The following KIAA1328 variants were observed in gnomAD, a reference collection of about 807,000 sequenced individuals.
The protein encoded by KIAA1328 is KIAA1328.
Under a neutral mutation model 68.1 loss-of-function variants are expected in KIAA1328, and 52 were observed. The ratio of observed to expected loss-of-function variants is 0.76; its 90% confidence interval spans 0.61 to 0.96. The LOEUF (loss-of-function observed/expected upper bound fraction) is 0.96. Among genes scored for constraint, KIAA1328 ranks in the 40% least tolerant of loss-of-function variants. The probability of loss-of-function intolerance (pLI) is 0.00; values close to 1 mark genes in which losing one functional copy is unlikely to be tolerated. For synonymous variants in KIAA1328, 232 were observed against 239.4 expected (o/e 0.97, Z 0.28); for missense variants, 641 against 677.6 (o/e 0.95, Z 0.60).
At chr18:37,104,734 A>G (rs1165985274) in intron 7 of KIAA1328, among the ~76,000 whole-genome samples, 1 of 117,698 alleles carries the variant, frequency 8.5e-6, no homozygotes, top group Non-Finnish European at 1.7e-5. Context: ...GTATGCGTGC[A>G]TCAAAATATA....
intron 6 of KIAA1328, among the ~76,000 whole-genome samples, chr18:37,018,963 G>T (rs1369773425): frequency 6.6e-6 from 1 of 152,082 alleles, no homozygotes; most frequent in Non-Finnish European, 1.5e-5. Flanking sequence ...TTGCTGGAGA[G>T]TTAGTTCAGT....
chr18:37,214,063 G>A (rs1017880134), intron 9 of KIAA1328, among the ~76,000 whole-genome samples: 136 of 152,252 alleles, frequency 8.9e-4, no homozygotes, highest in African/African-American at 3.2e-3. Context: ...TTTGTCAGAT[G>A]GGTAGATTGC....
At chr18:37,218,428 A>G (rs914829382) in intron 9 of KIAA1328, among the ~76,000 whole-genome samples, 1 of 152,210 alleles carries the variant, frequency 6.6e-6, no homozygotes, top group Non-Finnish European at 1.5e-5. Flanking sequence ...GGTCAAATGG[A>G]GTTTGTCCGG....
At chr18:37,226,231 C>T (rs910908869), downstream of KIAA1328, among the ~76,000 whole-genome samples, 2 of 151,868 alleles carry the variant, frequency 1.3e-5, no homozygotes, top group Admixed American at 1.3e-4. Context: ...AGTTTTCACT[C>T]TTGACTTTTC....
At chr18:37,100,757 G>T (rs2057586126) in intron 7 of KIAA1328, among the ~76,000 whole-genome samples, 1 of 152,168 alleles carries the variant, frequency 6.6e-6, no homozygotes, top group Non-Finnish European at 1.5e-5. Flanking sequence ...TAGCCTAACT[G>T]GGAGGCACCC....
intron 7 of KIAA1328, among the ~76,000 whole-genome samples, chr18:37,079,448 T>G (rs1005012677): frequency 3.4e-5 from 5 of 148,220 alleles, no homozygotes; most frequent in Non-Finnish European, 4.4e-5. Flanking sequence ...ACCTGCACAT[T>G]GTGCACATGT....
intron 4 of KIAA1328, among the ~76,000 whole-genome samples, chr18:36,858,844 A>G (rs1429507861): frequency 1.3e-5 from 2 of 152,190 alleles, no homozygotes; most frequent in African/African-American, 2.4e-5. Context: ...ATGACCTACT[A>G]TGGTTGATTA....
chr18:37,222,519 T>C lies in KIAA1328; in HGVS notation c.*292T>C. The C allele has an allele frequency of 8.4e-7, 1 of 1,186,618 alleles. No individual in the cohort carries two copies. Among genetic ancestry groups the C allele is most frequent in the Non-Finnish European group, 1.0e-6 (1 of 953,196 alleles). The allele number at this position is 1,186,618 out of a possible 1,614,324, so 73.5% of individuals were successfully genotyped here. A position where few individuals can be genotyped will look rare whatever the true frequency, so the allele number is the denominator to read the frequency against. On this transcript the variant is annotated 3_prime_UTR_variant, in exon 10 of 10. Coordinates refer to ENST00000280020, the MANE Select transcript of KIAA1328 (RefSeq NM_020776.3). ...TTTCTGCGTGGTGGAAACCATTGCA[T>C]ATTCAGCCTCATTTCAAGAGTGTTT...
chr18:36,957,898 T>A (rs1377080537), intron 5 of KIAA1328, among the ~76,000 whole-genome samples: 3 of 152,144 alleles, frequency 2.0e-5, no homozygotes, highest in African/African-American at 7.2e-5. Context: ...ACCACTACTT[T>A]GTAATTCCTG....
intron 5 of KIAA1328, among the ~76,000 whole-genome samples, chr18:36,902,668 C>G (rs2049082299): frequency 6.6e-6 from 1 of 152,006 alleles, no homozygotes; most frequent in African/African-American, 2.4e-5. Flanking sequence ...ATTGGGAGAA[C>G]TTTACCTGCT....
intron 7 of KIAA1328, among the ~76,000 whole-genome samples, chr18:37,123,399 G>C (rs530779668): frequency 6.6e-6 from 1 of 152,176 alleles, no homozygotes; most frequent in South Asian, 2.1e-4. Flanking sequence ...AGAGAAGCTT[G>C]ATTTTCTGAC....
chr18:37,123,881 T>C (rs964751751), intron 7 of KIAA1328, among the ~76,000 whole-genome samples: 6 of 152,192 alleles, frequency 3.9e-5, no homozygotes, highest in African/African-American at 2.4e-5. Flanking sequence ...TTAGTTTACA[T>C]ACATGTCAGG....
At chr18:36,905,898 T>C (rs1023131009) in intron 5 of KIAA1328, among the ~76,000 whole-genome samples, 2 of 152,202 alleles carry the variant, frequency 1.3e-5, no homozygotes, top group African/African-American at 4.8e-5. Flanking sequence ...CTTTCTTGTC[T>C]GTAACTTCTC....
intron 5 of KIAA1328, among the ~76,000 whole-genome samples, chr18:36,955,399 T>C (rs1319148444): frequency 1.3e-5 from 2 of 150,580 alleles, no homozygotes; most frequent in Non-Finnish European, 3.0e-5. Context: ...AACCTCCATC[T>C]CCTGGGTTCA....
At chr18:37,096,148 A>G (rs181400727) in intron 7 of KIAA1328, among the ~76,000 whole-genome samples, 1 of 152,148 alleles carries the variant, frequency 6.6e-6, no homozygotes, top group Non-Finnish European at 1.5e-5. Context: ...ACATATGTAC[A>G]CATGTGCCAT....
chr18:37,117,689 C>A (rs1006015170), intron 7 of KIAA1328, among the ~76,000 whole-genome samples: 1 of 152,016 alleles, frequency 6.6e-6, no homozygotes, highest in Admixed American at 6.6e-5. Context: ...GATGATACAA[C>A]TATCCTGTAT....
At chr18:37,118,050 G>A (rs1205269215) in intron 7 of KIAA1328, among the ~76,000 whole-genome samples, 1 of 148,624 alleles carries the variant, frequency 6.7e-6, no homozygotes, top group Non-Finnish European at 1.5e-5. Flanking sequence ...GGTCGCTCAG[G>A]CTGGCACAAA....
intron 4 of KIAA1328, among the ~76,000 whole-genome samples, chr18:36,879,454 T>C (rs1237332590): frequency 6.6e-6 from 1 of 151,730 alleles, no homozygotes; most frequent in Non-Finnish European, 1.5e-5. Flanking sequence ...ATGAGGTGTC[T>C]GTCAACCTCT....
At chr18:36,886,006 C>T (rs1356170923) in intron 5 of KIAA1328, 4 of 279,504 alleles carry the variant, frequency 1.4e-5, no homozygotes, top group South Asian at 1.5e-4. Context: ...TGTGAGCCAC[C>T]GTGCCTGGCC....
Sources: gnomAD v4.1 joint callset for allele counts (sites outside exome capture counted in the v4.1 genomes callset) on GRCh38, gnomAD v4.1.1 for gene constraint, MANE v1.5 for transcripts, NCBI Gene and HGNC (gene_info 2026-07-23, HGNC 2026-07-21) for gene names.